Variants in TMEM212 observed in about 807,000 individuals in gnomAD.
The protein encoded by TMEM212 is transmembrane protein 212.
TMEM212 carries 23 observed loss-of-function variants against 20.5 expected under a neutral mutation model. The ratio of observed to expected loss-of-function variants is 1.12; its 90% CI spans 0.81 to 1.59. The LOEUF is 1.59. TMEM212 is among the 40% of genes most tolerant of loss of function. The probability of loss-of-function intolerance (pLI) is 0.00; values close to 1 mark genes in which losing one functional copy is unlikely to be tolerated. For missense variants in TMEM212, 211 were observed against 215.0 expected, an observed-to-expected ratio of 0.98 and a Z score of 0.12; for synonymous variants, 76 against 81.6, an observed-to-expected ratio of 0.93 and a Z score of 0.37.
At chr3:171,856,447 C>A (rs1350415148) in intron 3 of TMEM212, among the ~76,000 whole-genome samples, 2 of 152,142 alleles carry the variant, frequency 1.3e-5, no homozygotes, top group Non-Finnish European at 2.9e-5. Context: ...ACCAAATGAA[C>A]CACCCCAGGT....
chr3:171,857,745 A>C (rs1360826520), intron 4 of TMEM212, among the ~76,000 whole-genome samples: 1 of 152,196 alleles, frequency 6.6e-6, no homozygotes, highest in Non-Finnish European at 1.5e-5. Flanking sequence ...CATTTTTTCA[A>C]AGAAGACATA....
intron 1 of TMEM212, among the ~76,000 whole-genome samples, chr3:171,851,229 A>T (rs190678199): frequency 1.4e-3 from 206 of 152,368 alleles, no homozygotes; most frequent in African/African-American, 4.6e-3. Context: ...AGTGACCACA[A>T]AGGTCTCCTC....
At chr3:171,844,967 A>T (rs771432522) in intron 1 of TMEM212, among the ~76,000 whole-genome samples, 39 of 152,136 alleles carry the variant, frequency 2.6e-4, no homozygotes, top group Non-Finnish European at 4.1e-4. Context: ...CAGTGGGATT[A>T]TGGGAGAGTC....
At chr3:171,848,575 A>AATAGG (rs1167557873) in intron 1 of TMEM212, among the ~76,000 whole-genome samples, 4 of 144,936 alleles carry the variant, frequency 2.8e-5, no homozygotes, top group Admixed American at 6.8e-5. Flanking sequence ...AATAGAATAG[A>AATAGG]ATAGGATAGA....
rs1000946279 is a variant in TMEM212 at position 171,855,069 on chromosome 3, T to C, written c.543+1219T>C. 2.3e-4 allele frequency among the ~76,000 whole-genome samples: 33 copies of C among 143,894 alleles called. No homozygotes were observed. In the Middle Eastern group the frequency reaches 0.011, roughly 48 times the overall value. 94.4% of individuals were successfully genotyped at this position (143,894 alleles called of 152,430 possible). A position where few individuals can be genotyped will look rare whatever the true frequency, so the allele number is the denominator to read the frequency against. On this transcript the variant is annotated intron_variant, in intron 3 of 4. Transcript: ENST00000334567. ...TCTTTAATATTAAAAAATACACTAA[T>C]ACAAAACTAATTAGTTAAAACAAGA...
chr3:171,846,757 G>A (rs1724844114), intron 1 of TMEM212, among the ~76,000 whole-genome samples: 4 of 152,164 alleles, frequency 2.6e-5, no homozygotes, highest in South Asian at 4.1e-4. Flanking sequence ...TTGGACGAAC[G>A]TTATGTTTTT....
At chr3:171,849,498 G>C (rs1724922826) in intron 1 of TMEM212, among the ~76,000 whole-genome samples, 1 of 152,126 alleles carries the variant, frequency 6.6e-6, no homozygotes. Flanking sequence ...TACATGATAA[G>C]GTCATTGTGA....
At position 171,853,848 on chromosome 3, in the gene TMEM212, A is replaced by C. The variant is rs578217188; in HGVS notation, c.541A>C (p.Asn181His). The C allele has an allele frequency of 5.7e-5, 87 of 1,531,892 alleles. No homozygotes were observed. The African/African-American group carries it at 1.1e-3, about 20-fold the overall frequency. The allele number at this position is 1,531,892 out of a possible 1,614,324, so 94.9% of individuals were successfully genotyped here. A position where few individuals can be genotyped will look rare whatever the true frequency, so the allele number is the denominator to read the frequency against. ...SARLIQNGHI[N>H]MQLPAGNPNP... ...AAGACTTATCCAGAATGGACACATA[A>C]ACGTAAGTTTCAACAAAGGGGAGGC... The change falls in exon 3 of 5, where the codon AAC becomes CAC. Residue 181 changes from asparagine to histidine, a missense_variant and splice_region_variant. By Grantham distance (68) the Asn-to-His change is moderately conservative. Transcript: ENST00000334567.
chr3:171,858,814 A>G lies in TMEM212; in HGVS notation c.*757A>G, dbSNP rs1725180064. ...ATTTATGAAGCCAACAGACACACAT[A>G]ATCCCAAATCATGCTACTATAAAGA... On this transcript the variant is annotated 3_prime_UTR_variant, in exon 5 of 5. Transcript: ENST00000334567. 6.6e-6 allele frequency: 1 copy of G among 152,064 alleles called. No homozygotes were observed. The highest frequency in any genetic ancestry group is 2.4e-5 in the African/African-American group (1 of 41,428). The allele number at this position is 152,064 out of a possible 1,614,324, so 9.4% of individuals were successfully genotyped here. A position where few individuals can be genotyped will look rare whatever the true frequency, so the allele number is the denominator to read the frequency against.
At chr3:171,847,455 C>T (rs1009087754) in intron 1 of TMEM212, among the ~76,000 whole-genome samples, 8 of 152,320 alleles carry the variant, frequency 5.3e-5, no homozygotes, top group Admixed American at 3.3e-4. Context: ...TGACCATGCA[C>T]GTCTGTTACA....
rs1369157601 is a variant in TMEM212, at chr3:171,858,367, A to G, written c.*310A>G. On this transcript the variant is annotated 3_prime_UTR_variant, in exon 5 of 5. Coordinates refer to ENST00000334567, the MANE Select transcript of TMEM212 (RefSeq NM_001164436.2). The stretch of plus-strand genomic sequence containing the variant: ...ATGGTGCTGGGAAAACTGGTTAGCC[A>G]TATGTAGAAAGCTGAAACTGGATCC... 1 of 152,194 alleles carries G rather than the reference A, an allele frequency of 6.6e-6. No individual in the cohort carries two copies. The highest frequency in any genetic ancestry group is 6.5e-5 in the Admixed American group (1 of 15,278). 9.4% of individuals were successfully genotyped at this position (152,194 alleles called of 1,614,324 possible).
At chr3:171,854,202 A>G (rs1308468208) in intron 3 of TMEM212, among the ~76,000 whole-genome samples, 2 of 152,134 alleles carry the variant, frequency 1.3e-5, no homozygotes, top group African/African-American at 4.8e-5. Flanking sequence ...AGAAAAAGAA[A>G]TTTTAAAAAT....
intron 2 of TMEM212, 107 bp from the exon 3 acceptor site, chr3:171,853,420 A>G (rs1725034572): frequency 1.1e-6 from 1 of 928,636 alleles, no homozygotes; most frequent in Non-Finnish European, 1.6e-6. Flanking sequence ...TCATTTTCCA[A>G]TAGGAGAGAT....
intron 1 of TMEM212, among the ~76,000 whole-genome samples, chr3:171,850,868 C>CCT (rs1207008271): frequency 6.6e-6 from 1 of 151,710 alleles, no homozygotes; most frequent in Non-Finnish European, 1.5e-5. Flanking sequence ...TGTGTGTTTC[C>CCT]CTCTCTCTCA....
intron 1 of TMEM212, among the ~76,000 whole-genome samples, chr3:171,849,800 T>C: frequency 6.6e-6 from 1 of 152,222 alleles, no homozygotes; most frequent in South Asian, 2.1e-4. Context: ...ACAATGATCA[T>C]GCAATCAAAG....
intron 1 of TMEM212, among the ~76,000 whole-genome samples, chr3:171,846,187 C>A (rs1329886791): frequency 6.6e-6 from 1 of 152,176 alleles, no homozygotes; most frequent in Non-Finnish European, 1.5e-5. Context: ...GCACTACCTG[C>A]CCTCTGCCTA....
intron 1 of TMEM212, among the ~76,000 whole-genome samples, chr3:171,850,701 G>A (rs1724957356): frequency 6.6e-6 from 1 of 152,164 alleles, no homozygotes; most frequent in Non-Finnish European, 1.5e-5. Context: ...GGGTCCCTTG[G>A]AAACTTTCCT....
intron 1 of TMEM212, among the ~76,000 whole-genome samples, chr3:171,848,671 T>C (rs921175022): frequency 3.4e-5 from 5 of 144,964 alleles, no homozygotes; most frequent in Admixed American, 6.8e-5. Flanking sequence ...ATAGATAATA[T>C]TAGAATGCAC....
chr3:171,845,636 G>C (rs1159986183), intron 1 of TMEM212, among the ~76,000 whole-genome samples: 2 of 152,302 alleles, frequency 1.3e-5, no homozygotes, highest in Non-Finnish European at 2.9e-5. Context: ...CCAGCACATA[G>C]TTAATTGGTA....
Sources: allele counts gnomAD v4.1 joint callset (sites outside exome capture counted in the v4.1 genomes callset), GRCh38; gene constraint gnomAD v4.1.1; transcripts MANE v1.5; gene names NCBI Gene and HGNC (gene_info 2026-07-23, HGNC 2026-07-21).